Variants in NALCN observed in about 807,000 individuals in gnomAD.
NALCN encodes the protein sodium leak channel, non-selective.
Under a neutral mutation model 225.3 loss-of-function variants are expected in NALCN, and 111 were observed. That is an observed-to-expected ratio of 0.49 (90% CI 0.42 to 0.58). The LOEUF (loss-of-function observed/expected upper bound fraction) is 0.58, where lower values mean the gene tolerates loss of function less well. Ranked by LOEUF, NALCN falls within the 20% of genes least tolerant of loss-of-function variation. The pLI is 0.00. For missense variants in NALCN, 1,378 were observed against 2,202.4 expected (o/e 0.63, Z 7.49); for synonymous variants, 764 against 769.0 (o/e 0.99, Z 0.11).
intron 34 of NALCN, among the ~76,000 whole-genome samples, chr13:101,078,604 G>T (rs907610431): frequency 6.6e-6 from 1 of 152,178 alleles, no homozygotes; most frequent in African/African-American, 2.4e-5. Flanking sequence ...TTTACCCAAT[G>T]CCTGTACCCC....
chr13:101,113,120 A>G (rs1344575167), intron 18 of NALCN, among the ~76,000 whole-genome samples: 2 of 152,212 alleles, frequency 1.3e-5, no homozygotes, highest in Non-Finnish European at 2.9e-5. Context: ...TTCATTTACT[A>G]AACAGCATGA....
At chr13:101,323,023 A>C (rs1220478461) in intron 7 of NALCN, among the ~76,000 whole-genome samples, 3 of 152,118 alleles carry the variant, frequency 2.0e-5, no homozygotes, top group African/African-American at 7.2e-5. Context: ...CTAAGCATCC[A>C]TTTTTAAGTA....
chr13:101,364,297 A>G (rs2046325101), intron 6 of NALCN, among the ~76,000 whole-genome samples: 1 of 152,176 alleles, frequency 6.6e-6, no homozygotes, highest in Non-Finnish European at 1.5e-5. Context: ...ACTATTCCAA[A>G]TAGCCAAATA....
Position 101,062,104 on chromosome 13 carries a change from C to T in NALCN, c.4619G>A (p.Arg1540Gln). Residue 1540 changes from arginine (R) to glutamine (Q), a missense_variant, in exon 41 of 44, where the codon CGG becomes CAG. Arg to Gln is a conservative substitution (Grantham distance 43). Transcript: ENST00000251127. Reference sequence around the variant, plus strand: ...CAAGCTCTTCCGGATGTCCACGGACCGGTATGAAAGCATGCTGGTGGGAGA... The same window carrying T: ...CAAGCTCTTCCGGATGTCCACGGACTGGTATGAAAGCATGCTGGTGGGAGA... ...FHDVLSMLSY[R>Q]SVDIRKSLQL... 4.3e-6 allele frequency: 7 copies of T among 1,614,008 alleles called. No homozygotes were observed. The highest frequency in any genetic ancestry group is 1.1e-5 in the South Asian group (1 of 91,064).
intron 30 of NALCN, among the ~76,000 whole-genome samples, chr13:101,084,459 T>C (rs545020354): frequency 6.6e-6 from 1 of 152,248 alleles, no homozygotes; most frequent in South Asian, 2.1e-4. Context: ...CACTCTCCCT[T>C]TCCTTACCCA....
chr13:101,331,804 T>C (rs952046298), intron 7 of NALCN, among the ~76,000 whole-genome samples: 1 of 152,182 alleles, frequency 6.6e-6, no homozygotes, highest in Admixed American at 6.5e-5. Flanking sequence ...ATTTTCTGTA[T>C]GGGCAACATA....
chr13:101,176,501 G>T (rs781054981), intron 14 of NALCN, 127 bp from the exon 15 acceptor site: 1 of 503,070 alleles, frequency 2.0e-6, no homozygotes, highest in East Asian at 3.6e-5. Flanking sequence ...AACATGCAGT[G>T]ATGAATCATT....
chr13:101,220,890 T>C (rs2040911251), intron 13 of NALCN, among the ~76,000 whole-genome samples: 1 of 152,144 alleles, frequency 6.6e-6, no homozygotes, highest in South Asian at 2.1e-4. Context: ...AGTTGTGTCA[T>C]CTTTGTATAT....
chr13:101,227,651 C>A (rs2041196949), intron 13 of NALCN, among the ~76,000 whole-genome samples: 2 of 152,162 alleles, frequency 1.3e-5, no homozygotes, highest in African/African-American at 4.8e-5. Flanking sequence ...GGACTCCCTC[C>A]CCTGTATGTA....
At chr13:101,230,416 C>T (rs1047579577) in intron 12 of NALCN, among the ~76,000 whole-genome samples, 5 of 152,134 alleles carry the variant, frequency 3.3e-5, no homozygotes, top group South Asian at 2.1e-4. Context: ...CAGAACTTTC[C>T]GAATTCTAAC....
chr13:101,065,505 C>T lies in NALCN; in HGVS notation c.4503G>A (p.Leu1501=), dbSNP rs1375825205. 6.2e-7 allele frequency: 1 copy of T among 1,614,204 alleles called. No individual in the cohort carries two copies. The highest frequency in any genetic ancestry group is 2.2e-5 in the East Asian group (1 of 44,874). The change falls in exon 40 of 44, where the codon CTG becomes CTA. Residue 1501 remains leucine (L), a synonymous_variant. Transcript: ENST00000251127. ...KFLLRLLRGR[L]EVDLDKDKLL... ...GCTTGTCCTTGTCCAGGTCCACCTC[C>T]AGCCTCCCACGCAGTAGCCGCAGCA... is the stretch of plus-strand genomic sequence containing the variant.
intron 13 of NALCN, among the ~76,000 whole-genome samples, chr13:101,199,145 G>T (rs1010325261): frequency 6.6e-6 from 1 of 151,818 alleles, no homozygotes; most frequent in Non-Finnish European, 1.5e-5. Flanking sequence ...GTTGTGGGGT[G>T]GGGGGAGGTG....
Position 101,258,556 on chromosome 13 carries a change from CG to C in NALCN, c.1152del (p.Val385PhefsTer7). On this transcript the variant is annotated frameshift_variant, in exon 11 of 44. Transcript: ENST00000251127. LOFTEE classifies it high-confidence loss of function. ...PACLQKMMRS[S>X]VFHMFILSMV... Reference sequence around the variant, plus strand: ...ATGCTCAGGATGAACATGTGGAAAACGGATGACCGCATCATTTTCTGAGGGG... The same window carrying C: ...ATGCTCAGGATGAACATGTGGAAAACGATGACCGCATCATTTTCTGAGGGG... The C allele has an allele frequency of 6.2e-7, 1 of 1,614,166 alleles. No homozygotes were observed. Among genetic ancestry groups the C allele is most frequent in the Non-Finnish European group, 8.5e-7 (1 of 1,180,022 alleles).
At position 101,292,123 on chromosome 13, in the gene NALCN, A is replaced by G; in HGVS notation, c.943-29T>C. ...AAAAAAATCACAAACCACATTTACC[A>G]AAGTCTAAGAATGACAAAGCAGAGG... On this transcript the variant is annotated intron_variant, in intron 8 of 43. Coordinates refer to ENST00000251127, the MANE Select transcript of NALCN (RefSeq NM_052867.4). The surrounding 1 kb of genome is among the most constrained non-coding windows in gnomAD (Gnocchi z 4.3). 2 of 1,613,258 alleles carry G rather than the reference A, an allele frequency of 1.2e-6. No homozygotes were observed. Among genetic ancestry groups the G allele is most frequent in the Admixed American group, 1.7e-5 (1 of 59,910 alleles).
intron 11 of NALCN, among the ~76,000 whole-genome samples, chr13:101,240,376 C>CT (rs1594508574): frequency 6.8e-6 from 1 of 147,984 alleles, no homozygotes; most frequent in East Asian, 2.0e-4. Flanking sequence ...TGTATTTTTT[C>CT]TTTTTTACTA....
rs148145678 is a variant in NALCN, at chr13:101,216,812, G to A, written c.1626+12581C>T. ...TTAATTTTTAATTATGTGTTTTATAGCATTTGTTGCTTCTATCGTGCAATA... is the reference window on the plus strand; with the variant it reads ...TTAATTTTTAATTATGTGTTTTATAACATTTGTTGCTTCTATCGTGCAATA... On this transcript the variant is annotated intron_variant, in intron 13 of 43. Transcript: ENST00000251127. 6.5e-3 allele frequency among the ~76,000 whole-genome samples: 985 copies of A among 152,186 alleles called. 8 individuals are homozygous for A. The highest frequency in any genetic ancestry group is 0.023 in the African/African-American group (950 of 41,524).
chr13:101,103,384 C>A, intron 25 of NALCN, 45 bp from the exon 26 acceptor site: 1 of 1,555,440 alleles, frequency 6.4e-7, no homozygotes, highest in Non-Finnish European at 8.7e-7. Context: ...AATTCATCCC[C>A]TACTATTTAC....
At chr13:101,319,529 G>C (rs1301213228) in intron 7 of NALCN, among the ~76,000 whole-genome samples, 1 of 152,042 alleles carries the variant, frequency 6.6e-6, no homozygotes, top group African/African-American at 2.4e-5. Context: ...AATATACTTT[G>C]TTATATTTGA....
At chr13:101,220,615 C>A (rs1403274515) in intron 13 of NALCN, among the ~76,000 whole-genome samples, 1 of 152,160 alleles carries the variant, frequency 6.6e-6, no homozygotes, top group African/African-American at 2.4e-5. Flanking sequence ...TGCTGAATAA[C>A]TGATTAGGGG....
Sources: allele counts gnomAD v4.1 joint callset (sites outside exome capture counted in the v4.1 genomes callset), GRCh38; gene constraint gnomAD v4.1.1; non-coding constraint Gnocchi (gnomAD v3.1); transcripts MANE v1.5; gene names NCBI Gene and HGNC (gene_info 2026-07-23, HGNC 2026-07-21).